The following MIB1 variants were observed in gnomAD, a reference collection of about 807,000 sequenced individuals.
MIB1 encodes E3 ubiquitin-protein ligase MIB1.
MIB1 carries 278 observed loss-of-function variants against 124.5 expected under a neutral mutation model. The observed-to-expected ratio is 2.23, with a 90% CI of 2.02 to 2.47. The LOEUF is 2.47. Among genes scored for constraint, MIB1 ranks in the 30% most tolerant of loss-of-function variants. MIB1 has a pLI of 0.00. For missense variants in MIB1, 957 were observed against 1,254.4 expected, an observed-to-expected ratio of 0.76 and a Z score of 3.58; for synonymous variants, 446 against 429.4, an observed-to-expected ratio of 1.04 and a Z score of -0.48.
At chr18:21,761,211 C>T (rs980398689) in intron 1 of MIB1, among the ~76,000 whole-genome samples, 7 of 148,212 alleles carry the variant, frequency 4.7e-5, no homozygotes, top group African/African-American at 1.5e-4. Flanking sequence ...AAACTATTCT[C>T]GGTCACACAA....
Position 21,853,225 on chromosome 18 carries a change from A to G in MIB1, c.2665+7A>G, listed in dbSNP as rs1249724692. ...CACATGTGTGCTTGTGAGAGTAAGT[A>G]GCCTATGCAGAGTTCCTCAATATTA... On this transcript the variant is annotated splice_region_variant and intron_variant, in intron 18 of 20. Coordinates refer to ENST00000261537, the MANE Select transcript of MIB1 (RefSeq NM_020774.4). 2 of 1,586,582 alleles carry G rather than the reference A, an allele frequency of 1.3e-6. No individual in the cohort carries two copies. Among genetic ancestry groups the G allele is most frequent in the Admixed American group, 3.4e-5 (2 of 59,602 alleles).
intron 10 of MIB1, among the ~76,000 whole-genome samples, chr18:21,815,043 AT>A (rs1568212954): frequency 9.5e-5 from 12 of 125,754 alleles, no homozygotes; most frequent in African/African-American, 3.8e-4. Context: ...ATATATATAT[AT>A]ATATATATAT....
chr18:21,776,636 AAAGAT>A (rs749853868), intron 4 of MIB1, among the ~76,000 whole-genome samples: 39 of 152,308 alleles, frequency 2.6e-4, no homozygotes, highest in Admixed American at 1.9e-3. Context: ...TTTCCTTGTA[AAAGAT>A]AAGTGGGAAG....
chr18:21,824,120 AAGTTTATAT>A (rs1021497146), intron 12 of MIB1, among the ~76,000 whole-genome samples: 1 of 152,196 alleles, frequency 6.6e-6, no homozygotes, highest in Non-Finnish European at 1.5e-5. Context: ...TATAATTATA[AAGTTTATAT>A]AGTATTTACG....
At chr18:21,815,844 G>A (rs111382385) in intron 11 of MIB1, 31 bp downstream of exon 11, 4 of 1,575,924 alleles carry the variant, frequency 2.5e-6, no homozygotes, top group African/African-American at 2.7e-5. Flanking sequence ...CATCCTGCAG[G>A]TATTGCTAGG....
At chr18:21,837,649 T>A (rs1302102151) in intron 12 of MIB1, among the ~76,000 whole-genome samples, 1 of 152,210 alleles carries the variant, frequency 6.6e-6, no homozygotes, top group Non-Finnish European at 1.5e-5. Flanking sequence ...AGTTTAAATC[T>A]TTAATTCTCT....
chr18:21,717,530 A>T (rs1439568934), intron 1 of MIB1, among the ~76,000 whole-genome samples: 1 of 152,198 alleles, frequency 6.6e-6, no homozygotes, highest in South Asian at 2.1e-4. Flanking sequence ...ATCTACAATG[A>T]ACTCAAACAA....
At chr18:21,863,030 A>G (rs910130897) in intron 20 of MIB1, among the ~76,000 whole-genome samples, 3 of 152,108 alleles carry the variant, frequency 2.0e-5, no homozygotes, top group Non-Finnish European at 2.9e-5. Flanking sequence ...CCCAGGCTGG[A>G]GAGCAGTTGA....
At chr18:21,798,271 A>C in intron 8 of MIB1, 43 bp downstream of exon 8, 1 of 1,593,568 alleles carries the variant, frequency 6.3e-7, no homozygotes, top group Non-Finnish European at 8.6e-7. Flanking sequence ...TGTGGTTTAC[A>C]TTAAAACCTT....
At chr18:21,768,022 T>G (rs2041183393) in intron 2 of MIB1, among the ~76,000 whole-genome samples, 1 of 152,170 alleles carries the variant, frequency 6.6e-6, no homozygotes. Context: ...GACTGGACCT[T>G]TTAGACTGAT....
At chr18:21,778,036 C>T in intron 4 of MIB1, 67 bp from the exon 5 acceptor site, 1 of 1,062,126 alleles carries the variant, frequency 9.4e-7, no homozygotes, top group Non-Finnish European at 1.5e-6. Context: ...AATATTCTTG[C>T]CTGTTTCAGA....
chr18:21,740,206 A>C (rs1234742745), upstream of MIB1, among the ~76,000 whole-genome samples: 2 of 152,188 alleles, frequency 1.3e-5, no homozygotes, highest in African/African-American at 2.4e-5. Context: ...CAGTCTTCGA[A>C]TCTTCCTTTG....
chr18:21,745,310 G>A (rs991849166), intron 1 of MIB1, among the ~76,000 whole-genome samples: 4 of 152,162 alleles, frequency 2.6e-5, no homozygotes, highest in Non-Finnish European at 5.9e-5. Flanking sequence ...ATTTTGAATT[G>A]GATAGGATAA....
At chr18:21,770,401 C>T (rs1255599811) in intron 3 of MIB1, among the ~76,000 whole-genome samples, 5 of 152,108 alleles carry the variant, frequency 3.3e-5, no homozygotes, top group African/African-American at 1.2e-4. Context: ...GTTAACATCC[C>T]TTTTTCCCCT....
intron 6 of MIB1, among the ~76,000 whole-genome samples, chr18:21,781,712 C>T (rs1411052511): frequency 1.3e-5 from 2 of 151,926 alleles, no homozygotes; most frequent in Admixed American, 1.3e-4. Context: ...CGCCCCTGGC[C>T]AGGGTTGATA....
At chr18:21,719,031 A>G (rs1162948841) in intron 1 of MIB1, among the ~76,000 whole-genome samples, 1 of 152,070 alleles carries the variant, frequency 6.6e-6, no homozygotes, top group Non-Finnish European at 1.5e-5. Flanking sequence ...TCTACTAAAA[A>G]TACAAAATTA....
chr18:21,831,038 T>G (rs969854654), intron 12 of MIB1: 11 of 151,398 alleles, frequency 7.3e-5, no homozygotes, highest in East Asian at 3.9e-4. Context: ...TGAACCTAGC[T>G]TGTCAGATGA....
Position 21,815,891 on chromosome 18 carries a change from C to G in MIB1, c.1677+78C>G, listed in dbSNP as rs201989619. ...GGGAAACATTAAGTTCTATGGTAAGCATTCCTTTGTTACCGTTCTCATATG... is the reference window on the plus strand; with the variant it reads ...GGGAAACATTAAGTTCTATGGTAAGGATTCCTTTGTTACCGTTCTCATATG... On this transcript the variant is annotated intron_variant, in intron 11 of 20. Transcript: ENST00000261537. The G allele has an allele frequency of 2.1e-5, 27 of 1,271,036 alleles. No individual in the cohort carries two copies. In the East Asian group the frequency reaches 6.4e-4, roughly 30 times the overall value. The allele number at this position is 1,271,036 out of a possible 1,614,324, so 78.7% of individuals were successfully genotyped here.
intron 17 of MIB1, among the ~76,000 whole-genome samples, chr18:21,852,472 G>A (rs566949230): frequency 4.0e-4 from 61 of 152,286 alleles, no homozygotes; most frequent in Admixed American, 6.5e-4. Flanking sequence ...AGGGATACAG[G>A]AAGCCAGAGC....
Sources: gnomAD v4.1 joint callset for allele counts (sites outside exome capture counted in the v4.1 genomes callset) on GRCh38, gnomAD v4.1.1 for gene constraint, MANE v1.5 for transcripts, NCBI Gene and HGNC (gene_info 2026-07-23, HGNC 2026-07-21) for gene names.